The following NAALADL2 variants were observed in gnomAD, a reference collection of about 807,000 sequenced individuals.
NAALADL2 encodes the protein N-acetylated alpha-linked acidic dipeptidase like 2, also known as inactive N-acetylated-alpha-linked acidic dipeptidase-like protein 2.
Under a neutral mutation model 87.2 loss-of-function variants are expected in NAALADL2, and 76 were observed. The observed-to-expected ratio is 0.87, with a 90% CI of 0.72 to 1.05. The LOEUF (loss-of-function observed/expected upper bound fraction) is 1.05, where lower values mean the gene tolerates loss of function less well. Among genes scored for constraint, NAALADL2 ranks in the 50% least tolerant of loss-of-function variants. NAALADL2 has a pLI of 0.00. For synonymous variants in NAALADL2, 354 were observed against 331.0 expected, an observed-to-expected ratio of 1.07 and a Z score of -0.75; for missense variants, 1,089 against 945.8, an observed-to-expected ratio of 1.15 and a Z score of -1.99.
At chr3:175,023,099 G>T (rs565813587) in intron 1 of NAALADL2, among the ~76,000 whole-genome samples, 9 of 152,042 alleles carry the variant, frequency 5.9e-5, no homozygotes, top group South Asian at 4.2e-4. Context: ...AGGTTCTTTT[G>T]CATGTCAAAA....
chr3:174,621,251 G>T (rs915160082), intron 2 of NAALADL2, among the ~76,000 whole-genome samples: 1 of 151,992 alleles, frequency 6.6e-6, no homozygotes, highest in Non-Finnish European at 1.5e-5. Context: ...TTCATGAAAA[G>T]ATGATTATGT....
intron 13 of NAALADL2, among the ~76,000 whole-genome samples, chr3:175,788,820 T>G (rs1752430375): frequency 6.6e-6 from 1 of 152,200 alleles, no homozygotes; most frequent in Non-Finnish European, 1.5e-5. Flanking sequence ...CAAACATAAT[T>G]ATTTATGGAA....
intron 1 of NAALADL2, among the ~76,000 whole-genome samples, chr3:174,999,354 T>G (rs2108754646): frequency 6.6e-6 from 1 of 152,314 alleles, no homozygotes; most frequent in African/African-American, 2.4e-5. Context: ...TTCAATTTCT[T>G]CTATAAATAT....
At chr3:175,130,165 C>T (rs1458458996) in intron 2 of NAALADL2, among the ~76,000 whole-genome samples, 7 of 151,624 alleles carry the variant, frequency 4.6e-5, no homozygotes, top group African/African-American at 1.7e-4. Flanking sequence ...TGTTTGTTGT[C>T]TCATATCGGG....
chr3:174,737,329 G>A (rs755542570), intron 2 of NAALADL2, among the ~76,000 whole-genome samples: 15 of 152,356 alleles, frequency 9.8e-5, no homozygotes, highest in Non-Finnish European at 1.9e-4. Flanking sequence ...GTTTAGCAGT[G>A]TGTGGCACAA....
At chr3:175,769,797 A>AT (rs1374483230) in intron 13 of NAALADL2, among the ~76,000 whole-genome samples, 1 of 152,044 alleles carries the variant, frequency 6.6e-6, no homozygotes, top group Non-Finnish European at 1.5e-5. Context: ...GTTCATATGA[A>AT]TGAGGAGGTT....
chr3:175,057,907 A>G (rs1712561898), intron 1 of NAALADL2, among the ~76,000 whole-genome samples: 1 of 152,208 alleles, frequency 6.6e-6, no homozygotes, highest in African/African-American at 2.4e-5. Flanking sequence ...TCTGGCATTC[A>G]TGCTAACTTT....
chr3:174,628,813 C>T (rs572951316), intron 2 of NAALADL2, among the ~76,000 whole-genome samples: 8 of 152,174 alleles, frequency 5.3e-5, no homozygotes, highest in African/African-American at 9.6e-5. Flanking sequence ...TATTGGTTCT[C>T]TTCACTGTCA....
At chr3:175,051,891 C>T (rs534788485) in intron 1 of NAALADL2, among the ~76,000 whole-genome samples, 14 of 152,274 alleles carry the variant, frequency 9.2e-5, no homozygotes, top group Non-Finnish European at 1.8e-4. Context: ...CTAACGAAAG[C>T]AGAAGAGGCA....
chr3:174,635,084 C>A (rs13064564), intron 2 of NAALADL2, among the ~76,000 whole-genome samples: 57,007 of 152,136 alleles, frequency 0.37, 11,552 homozygotes, highest in Middle Eastern at 0.49. Flanking sequence ...ACACACTAAT[C>A]TTTGAACATG....
chr3:175,139,870 A>C (rs1238931951), intron 2 of NAALADL2, among the ~76,000 whole-genome samples: 2 of 152,196 alleles, frequency 1.3e-5, no homozygotes, highest in African/African-American at 4.8e-5. Flanking sequence ...AAGGGGTACC[A>C]ACTGATAAAA....
intron 5 of NAALADL2, among the ~76,000 whole-genome samples, chr3:175,343,612 GTCT>G (rs369353741): frequency 4.2e-4 from 60 of 142,348 alleles, no homozygotes; most frequent in Middle Eastern, 3.8e-3. Context: ...TTATGTGTAA[GTCT>G]TCTACGGGTC....
At chr3:174,719,104 A>C (rs1731470858) in intron 2 of NAALADL2, among the ~76,000 whole-genome samples, 1 of 152,214 alleles carries the variant, frequency 6.6e-6, no homozygotes, top group Non-Finnish European at 1.5e-5. Flanking sequence ...TATATTCACC[A>C]TGCTTCATTT....
chr3:175,505,694 G>A lies in NAALADL2; in HGVS notation c.1653+33936G>A, dbSNP rs1034034168. On this transcript the variant is annotated intron_variant, in intron 9 of 13. Coordinates refer to ENST00000454872, the MANE Select transcript of NAALADL2 (RefSeq NM_207015.3). ...AGGGCCTGGAAAAGACAATAAAAAT[G>A]TGTTCAAGATCCTAGGGAAAGGAGT... is the stretch of plus-strand genomic sequence containing the variant. 5.3e-5 allele frequency among the ~76,000 whole-genome samples: 8 copies of A among 152,240 alleles called. 1 individual carries two copies. Among genetic ancestry groups the A allele is most frequent in the South Asian group, 4.2e-4 (2 of 4,818 alleles).
chr3:175,090,965 C>T (rs1261479137), intron 1 of NAALADL2, among the ~76,000 whole-genome samples: 1 of 102,142 alleles, frequency 9.8e-6, no homozygotes, highest in Non-Finnish European at 2.1e-5. Context: ...TCACTAAAAC[C>T]ACAAATGGAA....
intron 1 of NAALADL2, among the ~76,000 whole-genome samples, chr3:174,989,809 A>G (rs191426268): frequency 1.0e-3 from 157 of 152,304 alleles, no homozygotes; most frequent in African/African-American, 3.5e-3. Flanking sequence ...GCATATGGAT[A>G]TAGAAGAACC....
chr3:175,711,550 A>G (rs1740531364), intron 11 of NAALADL2, among the ~76,000 whole-genome samples: 1 of 151,972 alleles, frequency 6.6e-6, no homozygotes, highest in South Asian at 2.1e-4. Context: ...GAGCCAGTCA[A>G]GCTTATAATT....
At chr3:175,103,888 GA>G (rs1216393342) in intron 2 of NAALADL2, among the ~76,000 whole-genome samples, 14 of 152,028 alleles carry the variant, frequency 9.2e-5, no homozygotes, top group Non-Finnish European at 1.9e-4. Context: ...CTGCTGAAAG[GA>G]GAAAATCTCT....
At chr3:174,787,600 T>TATATATATACAC (rs1716912209) in intron 3 of NAALADL2, among the ~76,000 whole-genome samples, 1 of 68,474 alleles carries the variant, frequency 1.5e-5, no homozygotes, top group Non-Finnish European at 3.4e-5. Flanking sequence ...TATATATATA[T>TATATATATACAC]ATATATATAT....
Sources: gnomAD v4.1 joint callset for allele counts (sites outside exome capture counted in the v4.1 genomes callset) on GRCh38, gnomAD v4.1.1 for gene constraint, MANE v1.5 for transcripts, NCBI Gene and HGNC (gene_info 2026-07-23, HGNC 2026-07-21) for gene names.